The following CBX6 variants were observed in gnomAD, a reference collection of about 807,000 sequenced individuals.
CBX6 encodes chromobox 6, also known as chromobox protein homolog 6.
CBX6 carries 7 observed loss-of-function variants against 28.4 expected under a neutral mutation model. That is an observed-to-expected ratio of 0.25 (90% CI 0.14 to 0.46). CBX6 has a LOEUF of 0.46. Among genes scored for constraint, CBX6 ranks in the 20% least tolerant of loss-of-function variants. The pLI is 0.99. For synonymous variants in CBX6, 297 were observed against 273.4 expected, an observed-to-expected ratio of 1.09 and a Z score of -0.85; for missense variants, 512 against 606.1, an observed-to-expected ratio of 0.84 and a Z score of 1.63.
Position 38,872,116 on chromosome 22 carries a change from G to A in CBX6, c.69+6C>T. 1.4e-6 allele frequency: 2 copies of A among 1,391,334 alleles called. No homozygotes were observed. The highest frequency in any genetic ancestry group is 1.9e-6 in the Non-Finnish European group (2 of 1,058,486). The allele number at this position is 1,391,334 out of a possible 1,614,324, so 86.2% of individuals were successfully genotyped here. A position where few individuals can be genotyped will look rare whatever the true frequency, so the allele number is the denominator to read the frequency against. On this transcript the variant is annotated splice_donor_region_variant and intron_variant, in intron 1 of 4. Coordinates refer to ENST00000407418, the MANE Select transcript of CBX6 (RefSeq NM_014292.5). The surrounding 1 kb of genome is among the most constrained non-coding windows in gnomAD (Gnocchi z 5.0). ...CAGCGGCGGCCCGCCCCGGGCGGCGGCTCACCTTTCGGATCCGCCGTTTGA... is the reference window on the plus strand; with the variant it reads ...CAGCGGCGGCCCGCCCCGGGCGGCGACTCACCTTTCGGATCCGCCGTTTGA...
In CBX6 at chr22:38,864,667, G is replaced by A. The variant is rs1238463405; in HGVS notation, c.*1542C>T. ...AAGGAAGGCAGCCTCCCATTCTTAGGACCAAAGGCGCTAGGGTTCTGATCG... is the reference window on the plus strand; with the variant it reads ...AAGGAAGGCAGCCTCCCATTCTTAGAACCAAAGGCGCTAGGGTTCTGATCG... On this transcript the variant is annotated 3_prime_UTR_variant, in exon 5 of 5. Transcript: ENST00000407418. The A allele has an allele frequency of 1.3e-5, 2 of 152,344 alleles. No individual in the cohort carries two copies. The highest frequency in any genetic ancestry group is 2.9e-5 in the Non-Finnish European group (2 of 68,082). The allele number at this position is 152,344 out of a possible 1,614,324, so 9.4% of individuals were successfully genotyped here. A position where few individuals can be genotyped will look rare whatever the true frequency, so the allele number is the denominator to read the frequency against.
rs1309212859 is a variant in CBX6 at position 38,862,528 on chromosome 22, AAAAAAAAAAAAAAAAAAG to A, written c.*3663_*3680del. 1.4e-5 allele frequency: 2 copies of A among 146,832 alleles called. No individual in the cohort carries two copies. Among genetic ancestry groups the A allele is most frequent in the East Asian group, 2.0e-4 (1 of 5,072 alleles). The allele number at this position is 146,832 out of a possible 1,614,324, so 9.1% of individuals were successfully genotyped here. On this transcript the variant is annotated 3_prime_UTR_variant, in exon 5 of 5. Transcript: ENST00000407418. ...TGTGTGGGCGAAGTGCAAAAAAAAA[AAAAAAAAAAAAAAAAAAG>A]AAAGAAAGAAAAAAGAAAAACAAAA...
Position 38,863,180 on chromosome 22 carries a change from C to T in CBX6, c.*3029G>A, listed in dbSNP as rs984783812. The stretch of plus-strand genomic sequence containing the variant: ...GGCTTGCTACCCAATACACCCATTT[C>T]ACAGAAGGGCAAACTAAAGGTCAGA... On this transcript the variant is annotated 3_prime_UTR_variant, in exon 5 of 5. Coordinates refer to ENST00000407418, the MANE Select transcript of CBX6 (RefSeq NM_014292.5). 3 of 152,206 alleles carry T rather than the reference C, an allele frequency of 2.0e-5. No individual in the cohort carries two copies. The highest frequency in any genetic ancestry group is 4.8e-5 in the African/African-American group (2 of 41,450). The allele number at this position is 152,206 out of a possible 1,614,324, so 9.4% of individuals were successfully genotyped here. A position where few individuals can be genotyped will look rare whatever the true frequency, so the allele number is the denominator to read the frequency against.
Position 38,867,023 on chromosome 22 carries a change from C to T in CBX6, c.425G>A (p.Gly142Asp), listed in dbSNP as rs377721533. 1 of 1,604,554 alleles carries T rather than the reference C, an allele frequency of 6.2e-7. No homozygotes were observed. Reference sequence around the variant, plus strand: ...AATGGGCGGGCGCAGTCCGGGGCTGCCCCCCTGCGGGTCCGGGCGGGGCAG... The same window carrying T: ...AATGGGCGGGCGCAGTCCGGGGCTGTCCCCCTGCGGGTCCGGGCGGGGCAG... ...RPLPRPDPQG[G>D]SPGLRPPISP... Residue 142 changes from glycine (G) to aspartate (D), a missense_variant, in exon 5 of 5, where the codon GGC (glycine) becomes GAC (aspartate). Around this residue, in one of 7 missense-constraint regions of CBX6, gnomAD observed 123 missense variants for 138.1 expected, o/e 0.89. Coordinates refer to ENST00000407418, the MANE Select transcript of CBX6 (RefSeq NM_014292.5).
In CBX6 at chr22:38,864,310, ACTT is replaced by A. The variant is rs1369615561; in HGVS notation, c.*1896_*1898del. On this transcript the variant is annotated 3_prime_UTR_variant, in exon 5 of 5. Transcript: ENST00000407418. Reference sequence around the variant, plus strand: ...TCATAAAATCACCTCTGAAAACACAACTTCTTTACAAAAAAGTCACGAATGACA... The same window carrying A: ...TCATAAAATCACCTCTGAAAACACAACTTTACAAAAAAGTCACGAATGACA... 1 of 151,966 alleles carries A rather than the reference ACTT, an allele frequency of 6.6e-6. No individual in the cohort carries two copies. Among genetic ancestry groups the A allele is most frequent in the African/African-American group, 2.4e-5 (1 of 41,292 alleles). The allele number at this position is 151,966 out of a possible 1,614,324, so 9.4% of individuals were successfully genotyped here.
At position 38,871,054 on chromosome 22, in the gene CBX6, G is replaced by C. The variant is rs565744766; in HGVS notation, c.246+426C>G. 1.1e-5 allele frequency: 2 copies of C among 182,450 alleles called. No individual in the cohort carries two copies. Among genetic ancestry groups the C allele is most frequent in the Non-Finnish European group, 2.3e-5 (2 of 86,782 alleles). 11.3% of individuals were successfully genotyped at this position (182,450 alleles called of 1,614,324 possible). On this transcript the variant is annotated intron_variant, in intron 4 of 4. Coordinates refer to ENST00000407418, the MANE Select transcript of CBX6 (RefSeq NM_014292.5). This position sits in a 1 kb window ranked among gnomAD's most constrained non-coding sequence, Gnocchi z 5.6. ...CTGAACGGGGGAAGCTGGGGGCAGG[G>C]AGGCAGGTGGTCCCCCAAATCCTCT... is the stretch of plus-strand genomic sequence containing the variant.
rs2093167100 is a variant in CBX6 at position 38,865,395 on chromosome 22, GC to G, written c.*813del. ...CCTGTTCAAAGGAACTGTAAAGGGT[GC>G]CACCCGGCAGCCTGGGGCCTAGCAC... On this transcript the variant is annotated 3_prime_UTR_variant, in exon 5 of 5. Coordinates refer to ENST00000407418, the MANE Select transcript of CBX6 (RefSeq NM_014292.5). 6.5e-6 allele frequency: 1 copy of G among 152,750 alleles called. No individual in the cohort carries two copies. Among genetic ancestry groups the G allele is most frequent in the African/African-American group, 2.4e-5 (1 of 41,462 alleles). The allele number at this position is 152,750 out of a possible 1,614,324, so 9.5% of individuals were successfully genotyped here. A position where few individuals can be genotyped will look rare whatever the true frequency, so the allele number is the denominator to read the frequency against.
In CBX6 at chr22:38,863,759, T is replaced by C. The variant is rs1472551058; in HGVS notation, c.*2450A>G. ...TGCCTCCTGAAGCCTGCATCCCCTT[T>C]CAGGCCAGGGAGGCTCAGAGAGGTT... On this transcript the variant is annotated 3_prime_UTR_variant, in exon 5 of 5. Transcript: ENST00000407418. 6.6e-6 allele frequency: 1 copy of C among 152,220 alleles called. No homozygotes were observed. Among genetic ancestry groups the C allele is most frequent in the East Asian group, 1.9e-4 (1 of 5,184 alleles). The allele number at this position is 152,220 out of a possible 1,614,324, so 9.4% of individuals were successfully genotyped here.
Position 38,871,603 on chromosome 22 carries a change from G to A in CBX6, c.180-57C>T. The A allele has an allele frequency of 6.2e-7, 1 of 1,611,376 alleles. No homozygotes were observed. Among genetic ancestry groups the A allele is most frequent in the Non-Finnish European group, 8.5e-7 (1 of 1,178,122 alleles). Reference sequence around the variant, plus strand: ...AGCCCCTTCCCGGGCCCCACTCCGCGCTGCCCTCCCCGGCTCTCCCGCTTC... The same window carrying A: ...AGCCCCTTCCCGGGCCCCACTCCGCACTGCCCTCCCCGGCTCTCCCGCTTC... On this transcript the variant is annotated intron_variant, in intron 3 of 4. Coordinates refer to ENST00000407418, the MANE Select transcript of CBX6 (RefSeq NM_014292.5). This position sits in a 1 kb window ranked among gnomAD's most constrained non-coding sequence, Gnocchi z 5.6.
chr22:38,867,269 G>A (rs1414992194), intron 4 of CBX6, 68 bp from the exon 5 acceptor site: 4 of 1,412,092 alleles, frequency 2.8e-6, no homozygotes, highest in Non-Finnish European at 3.8e-6. Flanking sequence ...ATGTCCCTAC[G>A]CCAGCCAGCC....
intron 4 of CBX6, among the ~76,000 whole-genome samples, chr22:38,869,350 C>A (rs979890980): frequency 6.6e-6 from 1 of 152,106 alleles, no homozygotes; most frequent in African/African-American, 2.4e-5. Context: ...CTCAGTGAGT[C>A]TCCTTTCCTT....
Position 38,866,020 on chromosome 22 carries a change from T to G in CBX6, c.*189A>C. ...GGGGGTGTGCCCTTCCCCTGCCCCA[T>G]TCCAGGGTGGCCCCTACCCCCGGCT... On this transcript the variant is annotated 3_prime_UTR_variant, in exon 5 of 5. Coordinates refer to ENST00000407418, the MANE Select transcript of CBX6 (RefSeq NM_014292.5). The surrounding 1 kb of genome is among the most constrained non-coding windows in gnomAD (Gnocchi z 7.5). 2 of 600,800 alleles carry G rather than the reference T, an allele frequency of 3.3e-6. No homozygotes were observed. Among genetic ancestry groups the G allele is most frequent in the Admixed American group, 3.0e-5 (1 of 33,322 alleles). The allele number at this position is 600,800 out of a possible 1,614,324, so 37.2% of individuals were successfully genotyped here.
Position 38,866,518 on chromosome 22 carries a change from C to G in CBX6, c.930G>C (p.Pro310=), listed in dbSNP as rs771912988. Residue 310 remains proline (P), a synonymous_variant, in exon 5 of 5, where the codon CCG becomes CCC. Transcript: ENST00000407418. This position sits in a 1 kb window ranked among gnomAD's most constrained non-coding sequence, Gnocchi z 7.5. ...VSPSAPSWRE[P]EVLDLSLPPE... ...GAGGGAGGGACAGGTCGAGCACCTC[C>G]GGCTCGCGCCAGCTGGGGGCGGATG... is the stretch of plus-strand genomic sequence containing the variant. The G allele has an allele frequency of 6.3e-7, 1 of 1,582,562 alleles. No homozygotes were observed. Among genetic ancestry groups the G allele is most frequent in the South Asian group, 1.1e-5 (1 of 89,418 alleles).
In CBX6 at chr22:38,866,433, C is replaced by T; in HGVS notation, c.1015G>A (p.Ala339Thr). ...GCGGGCTCAGGGGCCGTGGGAGGTG[C>T]CGGGCCGGCAGCAGCTGTGACCTCA... ...PPEVTAAAGP[A>T]PPTAPEPAGA... The change falls in exon 5 of 5, where the codon GCA becomes ACA. Residue 339 changes from alanine to threonine, a missense_variant. By Grantham distance (58) the Ala-to-Thr change is moderately conservative. This residue lies in a region of CBX6 where 290 missense variants were observed against 274.1 expected (regional missense o/e 1.06). Coordinates refer to ENST00000407418, the MANE Select transcript of CBX6 (RefSeq NM_014292.5). This position sits in a 1 kb window ranked among gnomAD's most constrained non-coding sequence, Gnocchi z 7.5. The T allele has an allele frequency of 6.2e-7, 1 of 1,609,586 alleles. No homozygotes were observed. Among genetic ancestry groups the T allele is most frequent in the Non-Finnish European group, 8.5e-7 (1 of 1,178,972 alleles).
chr22:38,871,963 G>A lies in CBX6; in HGVS notation c.70-18C>T. The A allele has an allele frequency of 5.3e-6, 7 of 1,328,950 alleles. No homozygotes were observed. The South Asian group carries it at 6.4e-5, about 12-fold the overall frequency. The allele number at this position is 1,328,950 out of a possible 1,614,324, so 82.3% of individuals were successfully genotyped here. A position where few individuals can be genotyped will look rare whatever the true frequency, so the allele number is the denominator to read the frequency against. On this transcript the variant is annotated intron_variant, in intron 1 of 4. Coordinates refer to ENST00000407418, the MANE Select transcript of CBX6 (RefSeq NM_014292.5). The surrounding 1 kb of genome is among the most constrained non-coding windows in gnomAD (Gnocchi z 5.6). Reference sequence around the variant, plus strand: ...ATGCGTCCCTGAAAAACAGAGGGGAGAAAAACGGGGGTGGGGGTGGGGAGG... The same window carrying A: ...ATGCGTCCCTGAAAAACAGAGGGGAAAAAAACGGGGGTGGGGGTGGGGAGG...
Position 38,871,116 on chromosome 22 carries a change from C to G in CBX6, c.246+364G>C, listed in dbSNP as rs2093180946. The G allele has an allele frequency of 3.9e-6, 1 of 258,520 alleles. No individual in the cohort carries two copies. Among genetic ancestry groups the G allele is most frequent in the Non-Finnish European group, 7.5e-6 (1 of 133,236 alleles). The allele number at this position is 258,520 out of a possible 1,614,324, so 16.0% of individuals were successfully genotyped here. ...GCCAGGAGGTGGGACCCCACTCACTCTCCCCCTGGGTTCCAACTCCCAGCA... is the reference window on the plus strand; with the variant it reads ...GCCAGGAGGTGGGACCCCACTCACTGTCCCCCTGGGTTCCAACTCCCAGCA... On this transcript the variant is annotated intron_variant, in intron 4 of 4. Transcript: ENST00000407418. This position sits in a 1 kb window ranked among gnomAD's most constrained non-coding sequence, Gnocchi z 5.6.
Position 38,871,076 on chromosome 22 carries a change from C to CT in CBX6, c.246+403dup. 1 of 200,828 alleles carries CT rather than the reference C, an allele frequency of 5.0e-6. No individual in the cohort carries two copies. The highest frequency in any genetic ancestry group is 9.1e-5 in the South Asian group (1 of 10,976). 12.4% of individuals were successfully genotyped at this position (200,828 alleles called of 1,614,324 possible). A position where few individuals can be genotyped will look rare whatever the true frequency, so the allele number is the denominator to read the frequency against. ...AGGGAGGCAGGTGGTCCCCCAAATCCTCTCCTTGTGCCCTGCCAGGAGGTG... is the reference window on the plus strand; with the variant it reads ...AGGGAGGCAGGTGGTCCCCCAAATCCTTCTCCTTGTGCCCTGCCAGGAGGTG... On this transcript the variant is annotated intron_variant, in intron 4 of 4. Coordinates refer to ENST00000407418, the MANE Select transcript of CBX6 (RefSeq NM_014292.5). This position sits in a 1 kb window ranked among gnomAD's most constrained non-coding sequence, Gnocchi z 5.6.
rs1328112339 is a variant in CBX6, at chr22:38,862,291, G to A, written c.*3918C>T. ...ATCCTGGTGACCGTCAGCAAGAGAT[G>A]AGTCGGGGAGACCCTCTCCTGGAGT... On this transcript the variant is annotated 3_prime_UTR_variant, in exon 5 of 5. Transcript: ENST00000407418. 6.6e-6 allele frequency: 1 copy of A among 152,216 alleles called. No homozygotes were observed. Among genetic ancestry groups the A allele is most frequent in the African/African-American group, 2.4e-5 (1 of 41,452 alleles). 9.4% of individuals were successfully genotyped at this position (152,216 alleles called of 1,614,324 possible). A position where few individuals can be genotyped will look rare whatever the true frequency, so the allele number is the denominator to read the frequency against.
chr22:38,865,821 C>T lies in CBX6; in HGVS notation c.*388G>A, dbSNP rs1297392312. Reference sequence around the variant, plus strand: ...AGGAAGGAAAGGGACTGTGTCCACCCTCGGTGGGGGGCTCCTAAGGGCCCC... The same window carrying T: ...AGGAAGGAAAGGGACTGTGTCCACCTTCGGTGGGGGGCTCCTAAGGGCCCC... On this transcript the variant is annotated 3_prime_UTR_variant, in exon 5 of 5. Coordinates refer to ENST00000407418, the MANE Select transcript of CBX6 (RefSeq NM_014292.5). 2 of 210,642 alleles carry T rather than the reference C, an allele frequency of 9.5e-6. No individual in the cohort carries two copies. The highest frequency in any genetic ancestry group is 9.5e-6 in the Non-Finnish European group (1 of 104,778). The allele number at this position is 210,642 out of a possible 1,614,324, so 13.0% of individuals were successfully genotyped here.
Sources: gnomAD v4.1 joint callset for allele counts (sites outside exome capture counted in the v4.1 genomes callset) on GRCh38, gnomAD v4.1.1 for gene constraint, gnomAD v4.1.1 regional missense constraint, Gnocchi (gnomAD v3.1) non-coding constraint, MANE v1.5 for transcripts, NCBI Gene and HGNC (gene_info 2026-07-23, HGNC 2026-07-21) for gene names.